FCHSD2: variants seen among roughly 807,000 people sequenced by gnomAD.
FCHSD2 encodes FCH and double SH3 domains 2, also known as F-BAR and double SH3 domains protein 2.
A neutral mutation model predicts 108.1 loss-of-function variants in FCHSD2; 38 were observed. The ratio of observed to expected loss-of-function variants is 0.35; its 90% CI spans 0.27 to 0.46. The LOEUF is 0.46. Ranked by LOEUF, FCHSD2 falls within the 20% of genes least tolerant of loss-of-function variation. The pLI is 1.00. For synonymous variants in FCHSD2, 279 were observed against 314.7 expected (o/e 0.89, Z 1.20); for missense variants, 751 against 897.8 (o/e 0.84, Z 2.09).
chr11:72,936,365 T>C (rs978084478), intron 8 of FCHSD2, among the ~76,000 whole-genome samples: 9 of 152,214 alleles, frequency 5.9e-5, no homozygotes, highest in African/African-American at 2.2e-4. Flanking sequence ...AAAAATAGTA[T>C]CTCCTTAAGA....
chr11:73,096,987 ATTTTTTTTTTT>A (rs60223064), intron 2 of FCHSD2, among the ~76,000 whole-genome samples: 18 of 27,046 alleles, frequency 6.7e-4, no homozygotes, highest in Middle Eastern at 0.045. Context: ...TCATTGATGG[ATTTTTTTTTTT>A]TTTTTTTTTT....
At chr11:72,955,129 T>C (rs1418720949) in intron 8 of FCHSD2, among the ~76,000 whole-genome samples, 1 of 152,130 alleles carries the variant, frequency 6.6e-6, no homozygotes, top group Non-Finnish European at 1.5e-5. Flanking sequence ...CCCACAAGAC[T>C]GCTCCCCACT....
At chr11:72,906,504 C>A (rs1048781440) in intron 9 of FCHSD2, among the ~76,000 whole-genome samples, 3 of 152,122 alleles carry the variant, frequency 2.0e-5, no homozygotes, top group African/African-American at 7.2e-5. Context: ...TTTGCCCATG[C>A]CTATGTCCTG....
intron 8 of FCHSD2, among the ~76,000 whole-genome samples, chr11:72,926,572 C>T (rs968880379): frequency 6.6e-6 from 1 of 152,140 alleles, no homozygotes; most frequent in East Asian, 1.9e-4. Context: ...TCCAGGGCCT[C>T]CTCTCTGCTG....
rs1381172794 is a variant in FCHSD2 at position 72,836,854 on chromosome 11, T to C, written c.*1937A>G. The C allele has an allele frequency of 1.3e-5, 2 of 152,648 alleles. No individual in the cohort carries two copies. Among genetic ancestry groups the C allele is most frequent in the Admixed American group, 1.3e-4 (2 of 15,282 alleles). The allele number at this position is 152,648 out of a possible 1,614,324, so 9.5% of individuals were successfully genotyped here. ...CAGAGGCTCCCTCCGAGCCCTGACC[T>C]GTGCACTGTGGTGCTGGATTCCATA... On this transcript the variant is annotated 3_prime_UTR_variant, in exon 20 of 20. Coordinates refer to ENST00000409418, the MANE Select transcript of FCHSD2 (RefSeq NM_014824.3).
intron 9 of FCHSD2, among the ~76,000 whole-genome samples, chr11:72,920,661 A>C (rs1021746414): frequency 1.3e-5 from 2 of 152,200 alleles, no homozygotes; most frequent in African/African-American, 4.8e-5. Context: ...TTTTTCATAG[A>C]CTTTTCCCCC....
At position 72,841,511 on chromosome 11, in the gene FCHSD2, A is replaced by G. The variant is rs373494327; in HGVS notation, c.1999T>C (p.Tyr667His). ...PLYDQPPSSP[Y>H]PSPDKRSSLY... ...GAGCTCCTCTTATCTGGGCTGGGGTAGGGGCTGCTGGGAGGCTGGTCGTAC... is the reference window on the plus strand; with the variant it reads ...GAGCTCCTCTTATCTGGGCTGGGGTGGGGGCTGCTGGGAGGCTGGTCGTAC... The change falls in exon 18 of 20, where the codon TAC becomes CAC. Residue 667 changes from tyrosine (Y) to histidine (H), a missense_variant. Coordinates refer to ENST00000409418, the MANE Select transcript of FCHSD2 (RefSeq NM_014824.3). 6 of 1,611,210 alleles carry G rather than the reference A, an allele frequency of 3.7e-6. No individual in the cohort carries two copies. In the African/African-American group the frequency reaches 4.0e-5, roughly 11 times the overall value.
intron 12 of FCHSD2, among the ~76,000 whole-genome samples, chr11:72,870,065 C>T (rs55905425): frequency 0.16 from 24,638 of 152,092 alleles, 2,415 homozygotes; most frequent in Non-Finnish European, 0.23. Flanking sequence ...CATGTGCTTG[C>T]GTGCCTGTGT....
At chr11:73,004,408 AT>A (rs1857696323) in intron 4 of FCHSD2, among the ~76,000 whole-genome samples, 1 of 152,106 alleles carries the variant, frequency 6.6e-6, no homozygotes, top group Non-Finnish European at 1.5e-5. Flanking sequence ...CAATCTTCTG[AT>A]TTCTGACTAA....
At chr11:73,025,057 T>A (rs1336289407) in intron 3 of FCHSD2, among the ~76,000 whole-genome samples, 1 of 152,180 alleles carries the variant, frequency 6.6e-6, no homozygotes, top group Non-Finnish European at 1.5e-5. Flanking sequence ...GTAAATTAGC[T>A]CAGGCATTGT....
chr11:72,918,010 A>G (rs990138579), intron 9 of FCHSD2, among the ~76,000 whole-genome samples: 3 of 152,212 alleles, frequency 2.0e-5, no homozygotes, highest in African/African-American at 7.2e-5. Flanking sequence ...AATATTAGCA[A>G]CATGAAATCT....
chr11:73,094,441 T>A (rs919940691), intron 2 of FCHSD2, among the ~76,000 whole-genome samples: 2 of 152,298 alleles, frequency 1.3e-5, no homozygotes, highest in Non-Finnish European at 2.9e-5. Flanking sequence ...TGAAAACGTG[T>A]CCACAAAAAC....
chr11:73,127,428 G>A (rs2135567133), intron 2 of FCHSD2, among the ~76,000 whole-genome samples: 1 of 152,298 alleles, frequency 6.6e-6, no homozygotes, highest in South Asian at 2.1e-4. Context: ...GCAGCAGTGG[G>A]ACAAAGGACA....
chr11:72,958,300 T>C (rs1352164817), intron 8 of FCHSD2, among the ~76,000 whole-genome samples: 1 of 152,148 alleles, frequency 6.6e-6, no homozygotes, highest in African/African-American at 2.4e-5. Context: ...GGCGGATCAC[T>C]TGAGGTCAGG....
intron 8 of FCHSD2, among the ~76,000 whole-genome samples, chr11:72,981,178 C>G (rs1857209590): frequency 6.6e-6 from 1 of 152,074 alleles, no homozygotes; most frequent in Admixed American, 6.5e-5. Context: ...TATGTTTTCT[C>G]ATTTTTAAGG....
At chr11:72,876,257 G>C (rs1289566899) in intron 12 of FCHSD2, among the ~76,000 whole-genome samples, 2 of 152,170 alleles carry the variant, frequency 1.3e-5, no homozygotes, top group Non-Finnish European at 2.9e-5. Context: ...TTGAGGCCAC[G>C]AGGTTGAGGC....
intron 13 of FCHSD2, among the ~76,000 whole-genome samples, chr11:72,862,440 G>T (rs964006199): frequency 6.6e-6 from 1 of 152,164 alleles, no homozygotes; most frequent in African/African-American, 2.4e-5. Context: ...TATTTTTATG[G>T]ATCAGCAATG....
chr11:72,947,755 T>TGATTATAGGATA (rs60386383), intron 8 of FCHSD2, among the ~76,000 whole-genome samples: 1 of 152,134 alleles, frequency 6.6e-6, no homozygotes, highest in Non-Finnish European at 1.5e-5. Context: ...CATAATTTTC[T>TGATTATAGGATA]CATAAAGAAA....
At chr11:72,859,551 T>C (rs949881498) in intron 13 of FCHSD2, among the ~76,000 whole-genome samples, 1 of 152,220 alleles carries the variant, frequency 6.6e-6, no homozygotes, top group Non-Finnish European at 1.5e-5. Flanking sequence ...GATAGATATG[T>C]ATGTATAGGG....
Sources: allele counts gnomAD v4.1 joint callset (sites outside exome capture counted in the v4.1 genomes callset), GRCh38; gene constraint gnomAD v4.1.1; transcripts MANE v1.5; gene names NCBI Gene and HGNC (gene_info 2026-07-23, HGNC 2026-07-21).